CACNG2: variants seen among roughly 807,000 people sequenced by gnomAD.
The protein encoded by CACNG2 is voltage-dependent calcium channel gamma-2 subunit.
In CACNG2, 3 loss-of-function variants were observed where a neutral mutation model predicts 25.9. That is an observed-to-expected ratio of 0.12 (90% confidence interval 0.05 to 0.30). The LOEUF is 0.30. CACNG2 is among the 10% of genes least tolerant of loss of function. CACNG2 has a pLI of 1.00. For missense variants in CACNG2, 341 were observed against 432.5 expected (o/e 0.79, Z 1.88); for synonymous variants, 167 against 173.3 (o/e 0.96, Z 0.29).
chr22:36,666,524 G>A (rs545649002), intron 1 of CACNG2, among the ~76,000 whole-genome samples: 1 of 152,090 alleles, frequency 6.6e-6, no homozygotes. Context: ...TGAGGGGCAG[G>A]GGGGAATGAG....
At chr22:36,663,979 G>A (rs1205511642) in intron 1 of CACNG2, among the ~76,000 whole-genome samples, 1 of 152,156 alleles carries the variant, frequency 6.6e-6, no homozygotes, top group African/African-American at 2.4e-5. Flanking sequence ...GTTCATTAAG[G>A]AGCACAACCA....
At position 36,702,636 on chromosome 22, in the gene CACNG2, G is replaced by T; in HGVS notation, c.-60C>A. The T allele has an allele frequency of 7.4e-7, 1 of 1,359,608 alleles. No individual in the cohort carries two copies. Among genetic ancestry groups the T allele is most frequent in the Non-Finnish European group, 1.1e-6 (1 of 948,822 alleles). 84.2% of individuals were successfully genotyped at this position (1,359,608 alleles called of 1,614,324 possible). ...GGTTCTCGGGAGAGTGTGTGTGAGG[G>T]TGCAAGTACTAAAGCCAAAAAAAAT... On this transcript the variant is annotated 5_prime_UTR_variant, in exon 1 of 4. Transcript: ENST00000300105.
chr22:36,670,919 T>TTC (rs1936940092), intron 1 of CACNG2, among the ~76,000 whole-genome samples: 2 of 150,718 alleles, frequency 1.3e-5, no homozygotes, highest in African/African-American at 5.0e-5. Flanking sequence ...AAAGTCTATA[T>TTC]TCTTTTTTTT....
At chr22:36,630,195 G>C (rs981993451) in intron 1 of CACNG2, among the ~76,000 whole-genome samples, 2 of 152,170 alleles carry the variant, frequency 1.3e-5, no homozygotes, top group African/African-American at 4.8e-5. Flanking sequence ...AGAATAGTTT[G>C]TAAGGGGTGG....
chr22:36,681,035 C>CT (rs980865254), intron 1 of CACNG2, among the ~76,000 whole-genome samples: 39 of 152,130 alleles, frequency 2.6e-4, no homozygotes, highest in African/African-American at 7.7e-4. Context: ...AAAAATTATT[C>CT]TTTTTTTATT....
chr22:36,653,978 G>GTC (rs1189381417), intron 1 of CACNG2, among the ~76,000 whole-genome samples: 26 of 77,466 alleles, frequency 3.4e-4, no homozygotes, highest in Non-Finnish European at 5.1e-4. Flanking sequence ...GTGTGTGTGT[G>GTC]TCTCTGTGTG....
At chr22:36,610,629 C>T (rs554559676) in intron 1 of CACNG2, among the ~76,000 whole-genome samples, 1 of 152,222 alleles carries the variant, frequency 6.6e-6, no homozygotes, top group Non-Finnish European at 1.5e-5. Flanking sequence ...GAGGAGTGAC[C>T]CCCAAAGCCA....
At position 36,564,822 on chromosome 22, in the gene CACNG2, G is replaced by T. The variant is rs768367873; in HGVS notation, c.501C>A (p.Ser167Arg). The change falls in exon 4 of 4, where the codon AGC becomes AGA. Residue 167 changes from serine to arginine, a missense_variant. Around this residue, in one of 2 missense-constraint regions of CACNG2, gnomAD observed 169 missense variants for 254.4 expected, o/e 0.66. Coordinates refer to ENST00000300105, the MANE Select transcript of CACNG2 (RefSeq NM_006078.5). The surrounding 1 kb of genome is among the most constrained non-coding windows in gnomAD (Gnocchi z 6.7). ...ISANAGDPSK[S>R]DSKKNSYSYG... is the part of the protein sequence containing the mutation. ...ATGAGTAACTATTCTTTTTGGAGTC[G>T]CTCTTGGAGGGGTCTCCGGCATTGG... 3 of 1,614,150 alleles carry T rather than the reference G, an allele frequency of 1.9e-6. No individual in the cohort carries two copies. Among genetic ancestry groups the T allele is most frequent in the Admixed American group, 1.7e-5 (1 of 60,030 alleles).
chr22:36,681,433 G>T (rs1263631307), intron 1 of CACNG2, among the ~76,000 whole-genome samples: 1 of 152,164 alleles, frequency 6.6e-6, no homozygotes, highest in Admixed American at 6.5e-5. Flanking sequence ...TTGAATCTTT[G>T]TCAGCACCTG....
chr22:36,669,900 A>G (rs904544542), intron 1 of CACNG2, among the ~76,000 whole-genome samples: 1 of 152,030 alleles, frequency 6.6e-6, no homozygotes, highest in Non-Finnish European at 1.5e-5. Context: ...TTTAGTAGAG[A>G]TGGGGTTTTG....
chr22:36,654,195 T>A (rs1435758408), intron 1 of CACNG2, among the ~76,000 whole-genome samples: 4 of 152,162 alleles, frequency 2.6e-5, no homozygotes, highest in Non-Finnish European at 5.9e-5. Flanking sequence ...ATGTTTTTTT[T>A]AATCCCTCTT....
In CACNG2 at chr22:36,625,026, C is replaced by CAAAAAAA. The variant is rs57987215; in HGVS notation, c.212-37485_212-37479dup. ...CTGGCAACAGAGTGAGACTCTGTCT[C>CAAAAAAA]AAAAAAAAAAAAAAAAGAACCACAG... On this transcript the variant is annotated intron_variant, in intron 1 of 3. Coordinates refer to ENST00000300105, the MANE Select transcript of CACNG2 (RefSeq NM_006078.5). Among the ~76,000 whole-genome samples, 7 of 67,652 alleles carry CAAAAAAA rather than the reference C, an allele frequency of 1.0e-4. 2 individuals carry two copies. The highest frequency in any genetic ancestry group is 2.8e-4 in the African/African-American group (4 of 14,230). 44.4% of individuals were successfully genotyped at this position (67,652 alleles called of 152,430 possible).
In CACNG2 at chr22:36,684,631, A is replaced by AAAAAAC. The variant is rs1937172400; in HGVS notation, c.211+17734_211+17735insGTTTTT. 2.6e-5 allele frequency among the ~76,000 whole-genome samples: 4 copies of AAAAAAC among 151,482 alleles called. No homozygotes were observed. The East Asian group carries it at 7.7e-4, about 29-fold the overall frequency. The stretch of plus-strand genomic sequence containing the variant: ...ACCTTGTCTCAAAAAAAAAAAAAAA[A>AAAAAAC]CAAAGTAAAAAAAGATATGTGTTTG... On this transcript the variant is annotated intron_variant, in intron 1 of 3. Coordinates refer to ENST00000300105, the MANE Select transcript of CACNG2 (RefSeq NM_006078.5).
chr22:36,679,754 G>A (rs758500042), intron 1 of CACNG2, among the ~76,000 whole-genome samples: 16 of 152,144 alleles, frequency 1.1e-4, no homozygotes, highest in Non-Finnish European at 1.6e-4. Context: ...ACTTGGCTGA[G>A]TTTTGGTGAC....
chr22:36,678,924 T>A (rs187395741), intron 1 of CACNG2, among the ~76,000 whole-genome samples: 2 of 152,296 alleles, frequency 1.3e-5, no homozygotes, highest in Admixed American at 6.5e-5. Context: ...ACACGTGGTT[T>A]GTGTCATTGC....
intron 1 of CACNG2, among the ~76,000 whole-genome samples, chr22:36,589,620 C>T (rs186703899): frequency 2.4e-4 from 36 of 152,292 alleles, no homozygotes; most frequent in East Asian, 1.5e-3. Context: ...CAGACCATAT[C>T]GGGACTTCTG....
At chr22:36,695,596 C>G (rs1467675724) in intron 1 of CACNG2, among the ~76,000 whole-genome samples, 1 of 151,126 alleles carries the variant, frequency 6.6e-6, no homozygotes, top group African/African-American at 2.4e-5. Flanking sequence ...TCTGGAATGT[C>G]CTTTCTTCCT....
At chr22:36,594,742 GGT>G (rs776823795) in intron 1 of CACNG2, among the ~76,000 whole-genome samples, 3 of 144,406 alleles carry the variant, frequency 2.1e-5, no homozygotes, top group African/African-American at 7.7e-5. Flanking sequence ...TGTGTGCATG[GGT>G]GTGTGTGCGT....
At chr22:36,677,293 A>G (rs997423716) in intron 1 of CACNG2, among the ~76,000 whole-genome samples, 2 of 152,182 alleles carry the variant, frequency 1.3e-5, no homozygotes, top group South Asian at 2.1e-4. Context: ...ATCTGAAAGT[A>G]TATTTATCCC....
Sources: allele counts gnomAD v4.1 joint callset (sites outside exome capture counted in the v4.1 genomes callset), GRCh38; gene constraint gnomAD v4.1.1; regional missense constraint gnomAD v4.1.1; non-coding constraint Gnocchi (gnomAD v3.1); transcripts MANE v1.5; gene names NCBI Gene and HGNC (gene_info 2026-07-23, HGNC 2026-07-21).